Variants in EYS observed in about 807,000 individuals in gnomAD.
EYS encodes EGF-like photoreceptor maintenance factor.
A neutral mutation model predicts 282.1 loss-of-function variants in EYS; 250 were observed. The ratio of observed to expected loss-of-function variants is 0.89; its 90% CI spans 0.80 to 0.98. The LOEUF is 0.98. Ranked by LOEUF, EYS falls within the 50% of genes least tolerant of loss-of-function variation. The probability of loss-of-function intolerance (pLI) is 0.00; values close to 1 mark genes in which losing one functional copy is unlikely to be tolerated. For synonymous variants in EYS, 1,355 were observed against 1,282.9 expected, an observed-to-expected ratio of 1.06 and a Z score of -1.20; for missense variants, 4,016 against 3,709.0, an observed-to-expected ratio of 1.08 and a Z score of -2.15.
chr6:64,825,472 G>T (rs1166846016), intron 19 of EYS, among the ~76,000 whole-genome samples: 1 of 151,642 alleles, frequency 6.6e-6, no homozygotes, highest in Non-Finnish European at 1.5e-5. Flanking sequence ...TGTCATATAC[G>T]TGTGTGTGGG....
At chr6:63,764,393 A>C (rs1039795146) in intron 40 of EYS, among the ~76,000 whole-genome samples, 5 of 152,080 alleles carry the variant, frequency 3.3e-5, no homozygotes, top group Non-Finnish European at 7.4e-5. Flanking sequence ...AAGAGTATAG[A>C]ATGTACAAAG....
intron 8 of EYS, among the ~76,000 whole-genome samples, chr6:65,364,936 A>G (rs1764859128): frequency 6.6e-6 from 1 of 151,686 alleles, no homozygotes; most frequent in Non-Finnish European, 1.5e-5. Flanking sequence ...TGTGTCAAAC[A>G]TTTTTGGTAC....
At chr6:64,077,381 T>G (rs1426014003) in intron 32 of EYS, among the ~76,000 whole-genome samples, 2 of 152,026 alleles carry the variant, frequency 1.3e-5, no homozygotes. Flanking sequence ...AATCATTTTA[T>G]AGGGAAAGGC....
At chr6:65,397,481 T>C (rs1375264544) in intron 7 of EYS, among the ~76,000 whole-genome samples, 8 of 152,046 alleles carry the variant, frequency 5.3e-5, no homozygotes, top group Non-Finnish European at 1.0e-4. Flanking sequence ...TTTTTTACTT[T>C]CTGGTTCCGA....
chr6:63,999,319 G>A (rs1767973948), intron 33 of EYS, 136 bp from the exon 34 acceptor site: 5 of 682,210 alleles, frequency 7.3e-6, no homozygotes, highest in African/African-American at 5.3e-5. Flanking sequence ...TATGGACCCA[G>A]CCAAGTGTGG....
intron 22 of EYS, among the ~76,000 whole-genome samples, chr6:64,764,021 T>G (rs189181525): frequency 1.6e-4 from 24 of 152,304 alleles, no homozygotes; most frequent in Middle Eastern, 6.8e-3. Context: ...TCCTGACTGC[T>G]TTCATGGTCT....
chr6:63,947,877 AG>A (rs1190488033), intron 35 of EYS, among the ~76,000 whole-genome samples: 8 of 152,192 alleles, frequency 5.3e-5, no homozygotes, highest in Non-Finnish European at 8.8e-5. Context: ...TTCATACTGA[AG>A]GTCATGACAT....
intron 12 of EYS, among the ~76,000 whole-genome samples, chr6:65,094,055 T>C (rs1442869418): frequency 1.3e-5 from 2 of 151,568 alleles, no homozygotes; most frequent in East Asian, 3.9e-4. Flanking sequence ...ATTTAGTTAG[T>C]TCAGAATGTA....
chr6:63,975,491 GT>G (rs1455956940), intron 35 of EYS, among the ~76,000 whole-genome samples: 5 of 151,992 alleles, frequency 3.3e-5, no homozygotes, highest in Non-Finnish European at 7.4e-5. Flanking sequence ...GTTGTGATGC[GT>G]TACTTTTTGT....
chr6:64,565,228 G>A (rs977249462), intron 26 of EYS, among the ~76,000 whole-genome samples: 22 of 151,904 alleles, frequency 1.4e-4, no homozygotes, highest in African/African-American at 5.3e-4. Context: ...TGTTGCTTGT[G>A]TTTTTTGATG....
chr6:65,612,759 T>C (rs1185723258), intron 2 of EYS, among the ~76,000 whole-genome samples: 1 of 130,780 alleles, frequency 7.6e-6, no homozygotes, highest in African/African-American at 2.4e-5. Flanking sequence ...TGGTATGTTA[T>C]TTATTATAAC....
At chr6:65,423,573 G>T (rs1767548203) in intron 5 of EYS, among the ~76,000 whole-genome samples, 2 of 151,806 alleles carry the variant, frequency 1.3e-5, no homozygotes, top group African/African-American at 4.8e-5. Context: ...ATGTTCCCAG[G>T]TGATTCTGAT....
At chr6:65,630,047 T>A (rs550761045) in intron 2 of EYS, among the ~76,000 whole-genome samples, 1 of 152,268 alleles carries the variant, frequency 6.6e-6, no homozygotes, top group East Asian at 1.9e-4. Flanking sequence ...TTGCTAATCC[T>A]AGGAAGTGAA....
intron 7 of EYS, among the ~76,000 whole-genome samples, chr6:65,386,797 G>T (rs1582223731): frequency 6.6e-6 from 1 of 151,884 alleles, no homozygotes; most frequent in South Asian, 2.1e-4. Flanking sequence ...CAGGGGGAGA[G>T]AAAAGGAAGA....
intron 12 of EYS, among the ~76,000 whole-genome samples, chr6:65,285,597 G>A (rs1768340623): frequency 6.6e-6 from 1 of 151,924 alleles, no homozygotes; most frequent in Non-Finnish European, 1.5e-5. Context: ...CTTTCCTTCA[G>A]CAGCTTTTGG....
intron 8 of EYS, among the ~76,000 whole-genome samples, chr6:65,356,263 G>A (rs958212487): frequency 1.3e-5 from 2 of 152,044 alleles, no homozygotes; most frequent in African/African-American, 2.4e-5. Flanking sequence ...AAGGTATTTT[G>A]TTTTGTCTGC....
intron 22 of EYS, among the ~76,000 whole-genome samples, chr6:64,803,721 G>A (rs1043128077): frequency 2.6e-5 from 4 of 152,194 alleles, no homozygotes; most frequent in African/African-American, 9.7e-5. Flanking sequence ...AATCTGGAGG[G>A]GGCCAGGGCG....
intron 22 of EYS, among the ~76,000 whole-genome samples, chr6:64,671,376 C>A (rs1461271328): frequency 6.6e-6 from 1 of 152,044 alleles, no homozygotes; most frequent in Non-Finnish European, 1.5e-5. Context: ...CAGCAAGGAG[C>A]CATTTAAGAA....
At chr6:64,766,520 T>C (rs984772100) in intron 22 of EYS, among the ~76,000 whole-genome samples, 2 of 145,416 alleles carry the variant, frequency 1.4e-5, no homozygotes, top group African/African-American at 5.1e-5. Flanking sequence ...TAATCCCAGG[T>C]ACTCAGGAGG....
Sources: allele counts gnomAD v4.1 joint callset (sites outside exome capture counted in the v4.1 genomes callset), GRCh38; gene constraint gnomAD v4.1.1; transcripts MANE v1.5; gene names NCBI Gene and HGNC (gene_info 2026-07-23, HGNC 2026-07-21).